The following COL10A1 variants were observed in gnomAD, a reference collection of about 807,000 sequenced individuals.
COL10A1 encodes the protein collagen type X alpha 1 chain.
In COL10A1, 10 loss-of-function variants were observed where a neutral mutation model predicts 18.2. That is an observed-to-expected ratio of 0.55 (90% CI 0.34 to 0.93). The LOEUF is 0.93. COL10A1 is among the 40% of genes least tolerant of loss of function. The pLI, the probability that COL10A1 is intolerant of heterozygous loss-of-function variation, is 0.02. For synonymous variants in COL10A1, 330 were observed against 316.6 expected (o/e 1.04, Z -0.45); for missense variants, 897 against 853.5 (o/e 1.05, Z -0.64).
upstream of COL10A1, among the ~76,000 whole-genome samples, chr6:116,159,962 C>T (rs1193771622): frequency 2.0e-5 from 3 of 152,062 alleles, no homozygotes; most frequent in East Asian, 1.9e-4. Context: ...TTTTTATGGC[C>T]GTGTAGTATT....
At chr6:116,147,901 G>A (rs772310470) in intron 1 of COL10A1, among the ~76,000 whole-genome samples, 27 of 151,870 alleles carry the variant, frequency 1.8e-4, no homozygotes, top group Admixed American at 3.3e-4. Flanking sequence ...CATGGGAATC[G>A]CTTGAACCTG....
the COL10A1 span, among the ~76,000 whole-genome samples, chr6:116,194,730 G>A: frequency 6.6e-6 from 1 of 152,012 alleles, no homozygotes; most frequent in Admixed American, 6.6e-5. Context: ...AGTTTTGAAT[G>A]TAAATTATCA....
chr6:116,201,506 C>T, the COL10A1 span, among the ~76,000 whole-genome samples: 1 of 152,018 alleles, frequency 6.6e-6, no homozygotes, highest in Non-Finnish European at 1.5e-5. Flanking sequence ...TATGGGACTG[C>T]CTCGGTAATG....
At chr6:116,124,164 T>C (rs1455796878) in intron 2 of COL10A1, among the ~76,000 whole-genome samples, 1 of 152,160 alleles carries the variant, frequency 6.6e-6, no homozygotes, top group African/African-American at 2.4e-5. Flanking sequence ...TATTTTAAAT[T>C]CCATCTTTCT....
chr6:116,167,232 G>C, the COL10A1 span, among the ~76,000 whole-genome samples: 2 of 22,566 alleles, frequency 8.9e-5, no homozygotes, highest in African/African-American at 1.6e-4. Context: ...TTTTTTTTTT[G>C]AGACAGAATC....
At chr6:116,139,999 A>G (rs1175348395) in intron 1 of COL10A1, among the ~76,000 whole-genome samples, 1 of 152,138 alleles carries the variant, frequency 6.6e-6, no homozygotes, top group Non-Finnish European at 1.5e-5. Flanking sequence ...TTTGATCCAG[A>G]AGAGACTTAC....
At chr6:116,178,299 G>A in the COL10A1 span, among the ~76,000 whole-genome samples, 1 of 152,136 alleles carries the variant, frequency 6.6e-6, no homozygotes, top group Non-Finnish European at 1.5e-5. Context: ...CTGAGATCAG[G>A]TGACATTGGG....
the COL10A1 span, among the ~76,000 whole-genome samples, chr6:116,171,445 G>A: frequency 2.0e-5 from 3 of 152,286 alleles, no homozygotes; most frequent in East Asian, 3.9e-4. Flanking sequence ...GGCTGTGCAA[G>A]TGTTAGTGGT....
chr6:116,158,922 A>T (rs377230472), upstream of COL10A1, among the ~76,000 whole-genome samples: 35 of 152,230 alleles, frequency 2.3e-4, no homozygotes, highest in African/African-American at 8.4e-4. Context: ...GCAGATGGGG[A>T]TTGGGGAATT....
chr6:116,129,218 A>G (rs1349338144), upstream of COL10A1, among the ~76,000 whole-genome samples: 3 of 152,200 alleles, frequency 2.0e-5, no homozygotes, highest in Non-Finnish European at 2.9e-5. Context: ...ATAGACATGT[A>G]TATACACAAA....
the COL10A1 span, among the ~76,000 whole-genome samples, chr6:116,198,725 T>C: frequency 1.3e-5 from 2 of 151,844 alleles, no homozygotes. Context: ...GAAGATCCTG[T>C]CTCTAAACAA....
At chr6:116,142,836 C>T (rs960789244) in intron 1 of COL10A1, among the ~76,000 whole-genome samples, 2 of 152,122 alleles carry the variant, frequency 1.3e-5, no homozygotes, top group African/African-American at 4.8e-5. Context: ...AAGTTATTTT[C>T]GTGTTCTGAT....
At chr6:116,195,000 C>T in the COL10A1 span, among the ~76,000 whole-genome samples, 1 of 152,064 alleles carries the variant, frequency 6.6e-6, no homozygotes, top group Admixed American at 6.6e-5. Flanking sequence ...CCTAAAGTTA[C>T]CTCACCTTCA....
the COL10A1 span, among the ~76,000 whole-genome samples, chr6:116,204,794 T>C: frequency 1.3e-5 from 2 of 152,052 alleles, no homozygotes; most frequent in Non-Finnish European, 2.9e-5. Context: ...GAAAAAACTT[T>C]GTCCATGTTT....
At chr6:116,182,731 T>C in the COL10A1 span, among the ~76,000 whole-genome samples, 1 of 149,554 alleles carries the variant, frequency 6.7e-6, no homozygotes, top group African/African-American at 2.6e-5. Flanking sequence ...TTTGATGTGA[T>C]TGTTTGTTTT....
upstream of COL10A1, among the ~76,000 whole-genome samples, chr6:116,127,894 C>G (rs1278437684): frequency 6.6e-6 from 1 of 152,150 alleles, no homozygotes; most frequent in African/African-American, 2.4e-5. Context: ...GCTATTGCAA[C>G]AATTTTCAGA....
intron 1 of COL10A1, chr6:116,137,580 C>T (rs1779642471): frequency 4.7e-6 from 1 of 214,438 alleles, no homozygotes; most frequent in Admixed American, 4.1e-5. Flanking sequence ...CTGCGTTTTC[C>T]CACTGGGTTG....
At chr6:116,170,848 A>G in the COL10A1 span, among the ~76,000 whole-genome samples, 2 of 152,152 alleles carry the variant, frequency 1.3e-5, no homozygotes, top group African/African-American at 4.8e-5. Context: ...CGTGTAGCCT[A>G]TCCTCATTAT....
At chr6:116,158,268 C>T (rs564641408) in intron 1 of COL10A1, among the ~76,000 whole-genome samples, 12 of 151,846 alleles carry the variant, frequency 7.9e-5, no homozygotes, top group African/African-American at 2.7e-4. Flanking sequence ...GATGAAGATA[C>T]ATGGCATTTC....
Sources: allele counts gnomAD v4.1 joint callset (sites outside exome capture counted in the v4.1 genomes callset), GRCh38; gene constraint gnomAD v4.1.1; transcripts MANE v1.5; gene names NCBI Gene and HGNC (gene_info 2026-07-23, HGNC 2026-07-21).